Variants in RIC8B observed in about 807,000 individuals in gnomAD.
RIC8B encodes the protein RIC8 guanine nucleotide exchange factor B, also known as chaperone Ric-8B.
In RIC8B, 16 loss-of-function variants were observed where a neutral mutation model predicts 57.5. That is an observed-to-expected ratio of 0.28 (90% CI 0.19 to 0.42). The LOEUF (loss-of-function observed/expected upper bound fraction) is 0.42. Ranked by LOEUF, RIC8B falls within the 10% of genes least tolerant of loss-of-function variation. RIC8B has a pLI of 1.00. For synonymous variants in RIC8B, 216 were observed against 250.8 expected, an observed-to-expected ratio of 0.86 and a Z score of 1.31; for missense variants, 481 against 677.0, an observed-to-expected ratio of 0.71 and a Z score of 3.21.
chr12:106,835,397 A>G (rs557227464), intron 4 of RIC8B, among the ~76,000 whole-genome samples: 6 of 152,254 alleles, frequency 3.9e-5, no homozygotes, highest in African/African-American at 9.6e-5. Flanking sequence ...AATTTTTGCT[A>G]TTCCCTCTTA....
At position 106,843,871 on chromosome 12, in the gene RIC8B, G is replaced by A; in HGVS notation, c.1085G>A (p.Gly362Asp). The A allele has an allele frequency of 1.2e-6, 2 of 1,612,598 alleles. No homozygotes were observed. Among genetic ancestry groups the A allele is most frequent in the Middle Eastern group, 1.7e-4 (1 of 6,058 alleles). ...TTATAGGGAAGCAGCTATAGAGAGG[G>A]TCTAACTCCAGTTCTCAGCTTATTA... ...RIDKGSSYREGLTPVLSLLTE... is the reference protein window; with the variant it reads ...RIDKGSSYREDLTPVLSLLTE... The change falls in exon 6 of 10, where the codon GGT becomes GAT. Residue 362 changes from glycine (G) to aspartate (D), a missense_variant. Gly to Asp is a moderately conservative substitution (Grantham distance 94). Transcript: ENST00000392837.
intron 9 of RIC8B, chr12:106,878,950 G>A (rs1950800353): frequency 1.0e-6 from 1 of 985,440 alleles, no homozygotes; most frequent in Non-Finnish European, 1.2e-6. Context: ...TATCAAAAGA[G>A]CAGACTGGTG....
intron 2 of RIC8B, among the ~76,000 whole-genome samples, chr12:106,791,472 T>G (rs1411388475): frequency 6.6e-6 from 1 of 152,238 alleles, no homozygotes; most frequent in Admixed American, 6.5e-5. Context: ...CTTGATTACG[T>G]ATTCCTTTTG....
At chr12:106,851,637 G>T (rs1949481905) in intron 7 of RIC8B, 43 bp downstream of exon 7, 2 of 1,562,130 alleles carry the variant, frequency 1.3e-6, no homozygotes, top group African/African-American at 2.7e-5. Context: ...TCTTTCAGAG[G>T]GACTTTGAGA....
chr12:106,783,527 CT>C (rs1239529297), intron 1 of RIC8B, among the ~76,000 whole-genome samples: 1 of 152,240 alleles, frequency 6.6e-6, no homozygotes, highest in Non-Finnish European at 1.5e-5. Context: ...TTCCAAATCA[CT>C]GTCCAGTCTA....
Position 106,776,606 on chromosome 12 carries a change from C to T in RIC8B, c.84+1777C>T, listed in dbSNP as rs180866780. Among the ~76,000 whole-genome samples the T allele has an allele frequency of 2.0e-3, 300 of 152,322 alleles. 1 individual carries two copies. The highest frequency in any genetic ancestry group is 6.5e-3 in the African/African-American group (271 of 41,574). On this transcript the variant is annotated intron_variant, in intron 1 of 9. Coordinates refer to ENST00000392837, the MANE Select transcript of RIC8B (RefSeq NM_001330145.2). Reference sequence around the variant, plus strand: ...TAATTAGACTCCAGATTTGCTTCCTCCAATTTATCTCTTCTCATTGGTCTC... The same window carrying T: ...TAATTAGACTCCAGATTTGCTTCCTTCAATTTATCTCTTCTCATTGGTCTC...
At chr12:106,791,049 A>AG (rs2044241207) in intron 2 of RIC8B, among the ~76,000 whole-genome samples, 1 of 152,200 alleles carries the variant, frequency 6.6e-6, no homozygotes, top group Non-Finnish European at 1.5e-5. Context: ...GAGTGAGTGG[A>AG]GGCCAGAATT....
intron 4 of RIC8B, among the ~76,000 whole-genome samples, chr12:106,838,545 A>AG (rs1379558331): frequency 1.3e-5 from 2 of 151,844 alleles, no homozygotes; most frequent in Non-Finnish European, 2.9e-5. Context: ...CAAAAAAAAA[A>AG]AAAAAAGAGG....
Position 106,879,080 on chromosome 12 carries a change from G to A in RIC8B, c.1572-6824G>A. 2 of 985,782 alleles carry A rather than the reference G, an allele frequency of 2.0e-6. No homozygotes were observed. Among genetic ancestry groups the A allele is most frequent in the Non-Finnish European group, 2.4e-6 (2 of 829,916 alleles). 61.1% of individuals were successfully genotyped at this position (985,782 alleles called of 1,614,324 possible). ...TTGAAAACAAGGGAATGATTTTTGAGTCGTTATCAAGCTAAGTGGCAAGCG... is the reference window on the plus strand; with the variant it reads ...TTGAAAACAAGGGAATGATTTTTGAATCGTTATCAAGCTAAGTGGCAAGCG... On this transcript the variant is annotated intron_variant, in intron 9 of 9. Coordinates refer to ENST00000392837, the MANE Select transcript of RIC8B (RefSeq NM_001330145.2). This position sits in a 1 kb window ranked among gnomAD's most constrained non-coding sequence, Gnocchi z 4.9.
At position 106,829,196 on chromosome 12, in the gene RIC8B, A is replaced by T. The variant is rs573850499; in HGVS notation, c.836+3376A>T. 7.2e-5 allele frequency among the ~76,000 whole-genome samples: 11 copies of T among 152,256 alleles called. 1 individual carries two copies. In the South Asian group the frequency reaches 2.3e-3, roughly 32 times the overall value. ...AACAGGTAGGTTGTTGGTATGATCC[A>T]CCTTTTTTGCTCCACTGAAGGACAT... On this transcript the variant is annotated intron_variant, in intron 4 of 9. Coordinates refer to ENST00000392837, the MANE Select transcript of RIC8B (RefSeq NM_001330145.2).
chr12:106,827,529 A>G (rs1232012288), intron 4 of RIC8B, among the ~76,000 whole-genome samples: 2 of 152,188 alleles, frequency 1.3e-5, no homozygotes, highest in African/African-American at 4.8e-5. Context: ...TATGATCAGC[A>G]ACTTATTATT....
At chr12:106,853,713 C>T (rs1270419170) in intron 7 of RIC8B, among the ~76,000 whole-genome samples, 2 of 151,814 alleles carry the variant, frequency 1.3e-5, no homozygotes, top group East Asian at 1.9e-4. Flanking sequence ...GTGATCTGCC[C>T]ACCTCGGCCT....
At chr12:106,796,826 A>T (rs576392335) in intron 2 of RIC8B, among the ~76,000 whole-genome samples, 1 of 152,334 alleles carries the variant, frequency 6.6e-6, no homozygotes, top group South Asian at 2.1e-4. Flanking sequence ...AGACTATGTA[A>T]CTCTTACAAC....
chr12:106,870,411 A>C (rs1039970653), intron 8 of RIC8B, among the ~76,000 whole-genome samples: 3 of 152,056 alleles, frequency 2.0e-5, no homozygotes, highest in Non-Finnish European at 4.4e-5. Flanking sequence ...TCATTTTTCC[A>C]ATTTTTTTTG....
At chr12:106,782,237 C>T (rs1395252696) in intron 1 of RIC8B, among the ~76,000 whole-genome samples, 4 of 152,098 alleles carry the variant, frequency 2.6e-5, no homozygotes, top group Admixed American at 1.3e-4. Context: ...GATGACACTG[C>T]AGTGATACAC....
chr12:106,832,663 A>T (rs2046407483), intron 4 of RIC8B, among the ~76,000 whole-genome samples: 1 of 152,158 alleles, frequency 6.6e-6, no homozygotes, highest in African/African-American at 2.4e-5. Flanking sequence ...TACTTAGTAA[A>T]TGCTCAATAA....
intron 6 of RIC8B, among the ~76,000 whole-genome samples, chr12:106,848,103 A>G (rs1949289577): frequency 6.6e-6 from 1 of 152,224 alleles, no homozygotes; most frequent in African/African-American, 2.4e-5. Flanking sequence ...TGGAGTGGTC[A>G]GGGAATGTCT....
chr12:106,885,369 GGA>G (rs1566191663), intron 9 of RIC8B, among the ~76,000 whole-genome samples: 1 of 152,082 alleles, frequency 6.6e-6, no homozygotes, highest in Non-Finnish European at 1.5e-5. Context: ...GAAAAGTCGG[GGA>G]GAGAGTTGGG....
At chr12:106,853,249 A>G (rs375885171) in intron 7 of RIC8B, among the ~76,000 whole-genome samples, 1 of 151,792 alleles carries the variant, frequency 6.6e-6, no homozygotes, top group Non-Finnish European at 1.5e-5. Flanking sequence ...TCTAAATGTA[A>G]TCACATTACC....
Sources: allele counts gnomAD v4.1 joint callset (sites outside exome capture counted in the v4.1 genomes callset), GRCh38; gene constraint gnomAD v4.1.1; non-coding constraint Gnocchi (gnomAD v3.1); transcripts MANE v1.5; gene names NCBI Gene and HGNC (gene_info 2026-07-23, HGNC 2026-07-21).